Variants in SYN2 observed in about 807,000 individuals in gnomAD.
SYN2 encodes the protein synapsin II.
Under a neutral mutation model 50.9 loss-of-function variants are expected in SYN2, and 19 were observed. The observed-to-expected ratio is 0.37, with a 90% confidence interval of 0.26 to 0.55. The LOEUF (loss-of-function observed/expected upper bound fraction) is 0.55. Among genes scored for constraint, SYN2 ranks in the 20% least tolerant of loss-of-function variants. The pLI is 0.81. For missense variants in SYN2, 587 were observed against 576.4 expected (o/e 1.02, Z -0.19); for synonymous variants, 255 against 224.9 (o/e 1.13, Z -1.20).
intron 1 of SYN2, among the ~76,000 whole-genome samples, chr3:12,039,549 ATTTTTTTT>A (rs60746238): frequency 5.3e-4 from 62 of 117,994 alleles, no homozygotes; most frequent in African/African-American, 1.3e-3. Flanking sequence ...AGAAGCAAAG[ATTTTTTTT>A]TTTTTTTTTT....
At chr3:12,012,025 G>A (rs2125130903) in intron 1 of SYN2, among the ~76,000 whole-genome samples, 1 of 152,138 alleles carries the variant, frequency 6.6e-6, no homozygotes, top group South Asian at 2.1e-4. Context: ...ATTTTGTTAT[G>A]TAAGTGATTG....
intron 1 of SYN2, among the ~76,000 whole-genome samples, chr3:12,017,417 C>T (rs1280052851): frequency 7.9e-5 from 12 of 152,124 alleles, no homozygotes; most frequent in Non-Finnish European, 2.9e-5. Flanking sequence ...CCAGGGAGTC[C>T]AGCTCCAGAG....
At chr3:12,182,994 G>A (rs777680817) in intron 10 of SYN2, among the ~76,000 whole-genome samples, 20 of 152,246 alleles carry the variant, frequency 1.3e-4, no homozygotes, top group Non-Finnish European at 1.8e-4. Flanking sequence ...AAAGAAACCA[G>A]GTGGTGCTAG....
intron 1 of SYN2, among the ~76,000 whole-genome samples, chr3:12,051,783 A>G (rs1199953526): frequency 4.6e-5 from 7 of 152,192 alleles, no homozygotes; most frequent in African/African-American, 1.7e-4. Context: ...TTTGGAACAC[A>G]TTGTATAACA....
intron 1 of SYN2, among the ~76,000 whole-genome samples, chr3:12,050,711 C>CTCTTTTT (rs1268024407): frequency 5.9e-5 from 3 of 50,526 alleles, no homozygotes; most frequent in East Asian, 1.9e-3. Context: ...CTTCTCTTCT[C>CTCTTTTT]TTTTTTTTTT....
chr3:12,167,266 A>C lies in SYN2; in HGVS notation c.1013A>C (p.Asn338Thr), dbSNP rs1574879587. The C allele has an allele frequency of 6.2e-7, 1 of 1,613,036 alleles. No homozygotes were observed. The highest frequency in any genetic ancestry group is 1.3e-5 in the African/African-American group (1 of 74,926). ...RTSISGNWKT[N>T]TGSAMLEQIA... ...TCGATCTCAGGGAACTGGAAGACGA[A>C]CACTGGCTCTGCGATGCTGGAGCAG... Residue 338 changes from asparagine to threonine, a missense_variant, in exon 8 of 13, where the codon AAC (asparagine) becomes ACC (threonine). Coordinates refer to ENST00000621198, the MANE Select transcript of SYN2 (RefSeq NM_133625.6).
chr3:12,012,914 T>C (rs1693947236), intron 1 of SYN2, among the ~76,000 whole-genome samples: 1 of 152,196 alleles, frequency 6.6e-6, no homozygotes, highest in Non-Finnish European at 1.5e-5. Context: ...CTTCCAAACA[T>C]GAAAGATAAA....
chr3:12,177,941 A>G (rs1464382008), intron 10 of SYN2, among the ~76,000 whole-genome samples: 1 of 152,150 alleles, frequency 6.6e-6, no homozygotes, highest in African/African-American at 2.4e-5. Flanking sequence ...TCCCCCCAGG[A>G]GGGAAGGAGA....
At chr3:12,124,662 C>A (rs1696627405) in intron 1 of SYN2, among the ~76,000 whole-genome samples, 1 of 151,934 alleles carries the variant, frequency 6.6e-6, no homozygotes, top group Non-Finnish European at 1.5e-5. Flanking sequence ...AAATATAACA[C>A]CGAGTGGGAA....
intron 1 of SYN2, among the ~76,000 whole-genome samples, chr3:12,022,842 C>T (rs1207175832): frequency 3.3e-5 from 5 of 152,062 alleles, no homozygotes; most frequent in Admixed American, 2.0e-4. Context: ...GCCACCGTGC[C>T]TGGCCAAGAA....
chr3:12,160,321 C>A (rs1298994231), intron 5 of SYN2, among the ~76,000 whole-genome samples: 2 of 152,154 alleles, frequency 1.3e-5, no homozygotes, highest in Non-Finnish European at 2.9e-5. Context: ...TACGTGATTT[C>A]TAAAGCCCTT....
intron 1 of SYN2, among the ~76,000 whole-genome samples, chr3:12,014,752 T>A (rs1339803435): frequency 6.6e-6 from 1 of 152,320 alleles, no homozygotes. Flanking sequence ...TGTCTATACC[T>A]TTATGAGTTT....
At chr3:12,062,098 A>C (rs78478178) in intron 1 of SYN2, among the ~76,000 whole-genome samples, 3 of 152,006 alleles carry the variant, frequency 2.0e-5, no homozygotes. Context: ...TGAAGGATTC[A>C]CACAACTTGA....
chr3:12,146,331 C>T (rs983243642), intron 4 of SYN2, among the ~76,000 whole-genome samples: 1 of 152,186 alleles, frequency 6.6e-6, no homozygotes, highest in Non-Finnish European at 1.5e-5. Context: ...GAAATTTATC[C>T]TCATGCATGT....
chr3:12,025,958 C>A (rs1031444244), intron 1 of SYN2, among the ~76,000 whole-genome samples: 1 of 152,180 alleles, frequency 6.6e-6, no homozygotes, highest in Non-Finnish European at 1.5e-5. Context: ...CAGTTTTTTT[C>A]ATGTAGCTTT....
intron 1 of SYN2, among the ~76,000 whole-genome samples, chr3:12,118,852 C>T (rs975765469): frequency 3.3e-5 from 5 of 152,134 alleles, no homozygotes; most frequent in Non-Finnish European, 7.4e-5. Context: ...TGAAAGGATA[C>T]AGGTAAAATT....
intron 1 of SYN2, among the ~76,000 whole-genome samples, chr3:12,118,388 C>T (rs989892621): frequency 6.6e-6 from 1 of 152,138 alleles, no homozygotes; most frequent in Non-Finnish European, 1.5e-5. Flanking sequence ...CATAGCGAGA[C>T]CCTGTCTCTA....
intron 1 of SYN2, among the ~76,000 whole-genome samples, chr3:12,044,160 T>TTCTCTCTCTCTCTC (rs150236284): frequency 2.9e-4 from 40 of 135,634 alleles, no homozygotes; most frequent in African/African-American, 1.0e-3. Context: ...GAAGGCAAAG[T>TTCTCTCTCTCTCTC]TCTCTCTCTC....
intron 1 of SYN2, among the ~76,000 whole-genome samples, chr3:12,086,866 A>G (rs1033309591): frequency 7.2e-5 from 11 of 152,202 alleles, no homozygotes; most frequent in African/African-American, 2.7e-4. Flanking sequence ...AGCTAGAGCA[A>G]TTAGGCAAGA....
Sources: gnomAD v4.1 joint callset for allele counts (sites outside exome capture counted in the v4.1 genomes callset) on GRCh38, gnomAD v4.1.1 for gene constraint, MANE v1.5 for transcripts, NCBI Gene and HGNC (gene_info 2026-07-23, HGNC 2026-07-21) for gene names.